ROBO1: variants seen among roughly 807,000 people sequenced by gnomAD.
The protein encoded by ROBO1 is roundabout homolog 1.
Under a neutral mutation model 195.9 loss-of-function variants are expected in ROBO1, and 149 were observed. That is an observed-to-expected ratio of 0.76 (90% CI 0.67 to 0.87). ROBO1 has a LOEUF of 0.87. Among genes scored for constraint, ROBO1 ranks in the 40% least tolerant of loss-of-function variants. The pLI is 0.00. For missense variants in ROBO1, 1,933 were observed against 2,068.3 expected, an observed-to-expected ratio of 0.93 and a Z score of 1.27; for synonymous variants, 816 against 733.2, an observed-to-expected ratio of 1.11 and a Z score of -1.82.
intron 2 of ROBO1, among the ~76,000 whole-genome samples, chr3:79,315,733 T>C (rs553645070): frequency 1.6e-4 from 25 of 152,318 alleles, no homozygotes; most frequent in South Asian, 4.1e-4. Context: ...AGTAGATAGT[T>C]AGATATAATA....
intron 4 of ROBO1, among the ~76,000 whole-genome samples, chr3:78,860,328 T>TATA (rs1559934346): frequency 6.4e-5 from 2 of 31,258 alleles, no homozygotes; most frequent in African/African-American, 2.0e-4. Flanking sequence ...ATATATATAT[T>TATA]TTTTTTTTTT....
intron 3 of ROBO1, among the ~76,000 whole-genome samples, chr3:79,090,800 T>C (rs2079465932): frequency 6.6e-6 from 1 of 152,180 alleles, no homozygotes; most frequent in African/African-American, 2.4e-5. Flanking sequence ...ATTCCAGTCA[T>C]CACTGATAGT....
chr3:78,978,485 C>A (rs1332495900), intron 3 of ROBO1, among the ~76,000 whole-genome samples: 1 of 152,074 alleles, frequency 6.6e-6, no homozygotes, highest in African/African-American at 2.4e-5. Context: ...CCAGGCACCA[C>A]ACACAGTATT....
rs1451607427 is a variant in ROBO1 at position 79,221,342 on chromosome 3, A to G, written c.89-95803T>C. Among the ~76,000 whole-genome samples, 7 of 152,248 alleles carry G rather than the reference A, an allele frequency of 4.6e-5. No homozygotes were observed. The East Asian group carries it at 1.4e-3, about 29-fold the overall frequency. ...AACTGGGTCAGTAATTGAAGAAAAT[A>G]CACTTTTACATGAATTATAAGATAT... On this transcript the variant is annotated intron_variant, in intron 2 of 30. Coordinates refer to ENST00000464233, the MANE Select transcript of ROBO1 (RefSeq NM_002941.4).
At chr3:79,249,397 A>G (rs2082680126) in intron 2 of ROBO1, among the ~76,000 whole-genome samples, 1 of 152,222 alleles carries the variant, frequency 6.6e-6, no homozygotes, top group African/African-American at 2.4e-5. Flanking sequence ...AATTTAGGCA[A>G]TAACTTTCGT....
At chr3:79,318,970 T>C (rs777301326) in intron 2 of ROBO1, among the ~76,000 whole-genome samples, 34 of 152,316 alleles carry the variant, frequency 2.2e-4, no homozygotes, top group Admixed American at 6.5e-4. Flanking sequence ...ATATAATCAA[T>C]ACCATTTTTA....
intron 2 of ROBO1, among the ~76,000 whole-genome samples, chr3:79,427,915 G>A (rs2038516178): frequency 6.6e-6 from 1 of 151,964 alleles, no homozygotes; most frequent in Non-Finnish European, 1.5e-5. Flanking sequence ...CATGATCACG[G>A]GCAACCAAGC....
At chr3:79,274,959 T>C (rs562238413) in intron 2 of ROBO1, among the ~76,000 whole-genome samples, 1 of 151,862 alleles carries the variant, frequency 6.6e-6, no homozygotes, top group Non-Finnish European at 1.5e-5. Flanking sequence ...ATAAACAGAC[T>C]GATAACAAGT....
intron 3 of ROBO1, among the ~76,000 whole-genome samples, chr3:79,040,154 G>A (rs978207392): frequency 6.6e-6 from 1 of 152,106 alleles, no homozygotes; most frequent in Non-Finnish European, 1.5e-5. Context: ...AAGTACCCTA[G>A]GAAGTGCTAA....
At position 79,725,231 on chromosome 3, in the gene ROBO1, T is replaced by C. The variant is rs568063971; in HGVS notation, c.-51+42521A>G. Among the ~76,000 whole-genome samples, 797 of 144,124 alleles carry C rather than the reference T, an allele frequency of 5.5e-3. 10 individuals carry two copies. The highest frequency in any genetic ancestry group is 0.02 in the African/African-American group (767 of 39,278). The allele number at this position is 144,124 out of a possible 152,430, so 94.6% of individuals were successfully genotyped here. On this transcript the variant is annotated intron_variant, in intron 1 of 30. Transcript: ENST00000464233. ...GAAACATCTCTCTTCTTCTTTTTTTTTTTTTTTTTTTTTGAGACGGAGTCT... is the reference window on the plus strand; with the variant it reads ...GAAACATCTCTCTTCTTCTTTTTTTCTTTTTTTTTTTTTGAGACGGAGTCT...
intron 2 of ROBO1, among the ~76,000 whole-genome samples, chr3:79,426,010 TG>T (rs879614654): frequency 7.9e-5 from 12 of 152,300 alleles, no homozygotes; most frequent in African/African-American, 1.2e-4. Flanking sequence ...TACAAAAATC[TG>T]GGCAGAGTAG....
intron 3 of ROBO1, among the ~76,000 whole-genome samples, chr3:79,067,827 G>A (rs1314622914): frequency 6.6e-6 from 1 of 151,920 alleles, no homozygotes; most frequent in Admixed American, 6.6e-5. Context: ...TCTAATCAGG[G>A]TAACTCACAA....
At chr3:78,871,467 C>T (rs76098290) in intron 4 of ROBO1, among the ~76,000 whole-genome samples, 73 of 152,166 alleles carry the variant, frequency 4.8e-4, no homozygotes, top group African/African-American at 1.5e-3. Context: ...TAATTTCCTA[C>T]GGCATCAGTT....
At chr3:79,551,980 T>TAAAAAAAAAAA (rs771824432) in intron 2 of ROBO1, among the ~76,000 whole-genome samples, 9 of 44,258 alleles carry the variant, frequency 2.0e-4, no homozygotes, top group East Asian at 8.9e-4. Flanking sequence ...TCTACAGAGT[T>TAAAAAAAAAAA]AAAAAAAAAA....
At chr3:79,756,001 A>G (rs985902468) in intron 1 of ROBO1, among the ~76,000 whole-genome samples, 1 of 152,164 alleles carries the variant, frequency 6.6e-6, no homozygotes, top group Admixed American at 6.5e-5. Context: ...TTTCATTCCA[A>G]AACTTCCATC....
chr3:78,597,670 T>C lies in ROBO1; in HGVS notation c.*1243A>G, dbSNP rs181741299. On this transcript the variant is annotated 3_prime_UTR_variant, in exon 31 of 31. Coordinates refer to ENST00000464233, the MANE Select transcript of ROBO1 (RefSeq NM_002941.4). The stretch of plus-strand genomic sequence containing the variant: ...AAGCAAGTAATGCCTCTATTAGAGA[T>C]TTTAAGGAAATCTTGTAGGTTTCGA... 2.1e-3 allele frequency: 314 copies of C among 151,122 alleles called. 1 individual carries two copies. The highest frequency in any genetic ancestry group is 7.3e-3 in the African/African-American group (296 of 40,294). The allele number at this position is 151,122 out of a possible 1,614,324, so 9.4% of individuals were successfully genotyped here.
intron 2 of ROBO1, among the ~76,000 whole-genome samples, chr3:79,218,877 A>G (rs965816440): frequency 2.6e-5 from 4 of 151,992 alleles, no homozygotes; most frequent in Non-Finnish European, 5.9e-5. Context: ...CAAGGTAGGT[A>G]AAAGAATATT....
chr3:79,497,980 AT>A (rs1390917719), intron 2 of ROBO1, among the ~76,000 whole-genome samples: 5 of 149,960 alleles, frequency 3.3e-5, no homozygotes, highest in Admixed American at 2.0e-4. Flanking sequence ...CAGGAATATA[AT>A]TTTATTTGCT....
intron 2 of ROBO1, among the ~76,000 whole-genome samples, chr3:79,401,768 A>C (rs2037376068): frequency 6.6e-6 from 1 of 151,884 alleles, no homozygotes; most frequent in South Asian, 2.1e-4. Flanking sequence ...AAAATCAAAG[A>C]ATCTTCAAAA....
Sources: allele counts gnomAD v4.1 joint callset (sites outside exome capture counted in the v4.1 genomes callset), GRCh38; gene constraint gnomAD v4.1.1; transcripts MANE v1.5; gene names NCBI Gene and HGNC (gene_info 2026-07-23, HGNC 2026-07-21).